The following NAALADL2 variants were observed in gnomAD, a reference collection of about 807,000 sequenced individuals.
NAALADL2 encodes the protein inactive N-acetylated-alpha-linked acidic dipeptidase-like protein 2.
NAALADL2 carries 76 observed loss-of-function variants against 87.2 expected under a neutral mutation model. The observed-to-expected ratio is 0.87, with a 90% CI of 0.72 to 1.05. NAALADL2 has a LOEUF of 1.05. Among genes scored for constraint, NAALADL2 ranks in the 50% least tolerant of loss-of-function variants. The probability of loss-of-function intolerance (pLI) is 0.00; values close to 1 mark genes in which losing one functional copy is unlikely to be tolerated. For synonymous variants in NAALADL2, 354 were observed against 331.0 expected (o/e 1.07, Z -0.75); for missense variants, 1,089 against 945.8 (o/e 1.15, Z -1.99).
chr3:174,966,976 A>G (rs1270688832), intron 1 of NAALADL2, among the ~76,000 whole-genome samples: 2 of 152,174 alleles, frequency 1.3e-5, no homozygotes, highest in South Asian at 2.1e-4. Context: ...AAAGTATAGG[A>G]AAAAGCTTCT....
chr3:175,555,082 A>G (rs75873984), intron 9 of NAALADL2, among the ~76,000 whole-genome samples: 5,672 of 152,224 alleles, frequency 0.037, 254 homozygotes, highest in African/African-American at 0.1. Context: ...TCTACTTTCT[A>G]TGAGCCAAGA....
chr3:175,364,098 T>C (rs866520323), intron 5 of NAALADL2, among the ~76,000 whole-genome samples: 3 of 147,846 alleles, frequency 2.0e-5, no homozygotes, highest in Non-Finnish European at 3.0e-5. Context: ...GACCAACCCA[T>C]GTAATTAGAT....
intron 1 of NAALADL2, among the ~76,000 whole-genome samples, chr3:174,472,844 C>T (rs370351181): frequency 4.6e-5 from 7 of 152,144 alleles, no homozygotes; most frequent in Admixed American, 4.6e-4. Flanking sequence ...CCACATGTTG[C>T]ACTTTGTAGA....
chr3:174,520,997 T>TA (rs1195517403), intron 1 of NAALADL2, among the ~76,000 whole-genome samples: 1 of 151,976 alleles, frequency 6.6e-6, no homozygotes, highest in African/African-American at 2.4e-5. Context: ...TGGCTACTAT[T>TA]AAAAAATAAA....
rs554001752 is a variant in NAALADL2 at position 175,454,144 on chromosome 3, A to G, written c.1234+6772A>G. 2.6e-5 allele frequency among the ~76,000 whole-genome samples: 4 copies of G among 152,188 alleles called. No individual in the cohort carries two copies. The South Asian group carries it at 6.2e-4, about 24-fold the overall frequency. ...TTAAATGCAATCTGATAGTCTTTTA[A>G]TAGGAGCATTTGGTCCCTTTCATTT... is the stretch of plus-strand genomic sequence containing the variant. On this transcript the variant is annotated intron_variant, in intron 6 of 13. Transcript: ENST00000454872.
intron 5 of NAALADL2, among the ~76,000 whole-genome samples, chr3:175,391,117 T>A (rs1181940574): frequency 6.6e-6 from 1 of 152,188 alleles, no homozygotes; most frequent in Non-Finnish European, 1.5e-5. Context: ...TCCTCACCAA[T>A]GTAGACAAAC....
chr3:175,262,897 AC>A (rs1384047704), intron 4 of NAALADL2, among the ~76,000 whole-genome samples: 1 of 151,906 alleles, frequency 6.6e-6, no homozygotes, highest in Non-Finnish European at 1.5e-5. Context: ...CATTTTATGA[AC>A]AAAAATGAAA....
chr3:174,476,530 A>G (rs1717227549), intron 1 of NAALADL2, among the ~76,000 whole-genome samples: 2 of 151,990 alleles, frequency 1.3e-5, no homozygotes, highest in Admixed American at 6.6e-5. Flanking sequence ...TGCTTATTCA[A>G]ATGGCTTATT....
rs536665947 is a variant in NAALADL2, at chr3:175,052,886, A to G, written c.44-43904A>G. ...AGGAACTCTTGCTGTATTTCTTGTCATTTCTACCATCTGACCATTTTGTTC... is the reference window on the plus strand; with the variant it reads ...AGGAACTCTTGCTGTATTTCTTGTCGTTTCTACCATCTGACCATTTTGTTC... On this transcript the variant is annotated intron_variant, in intron 1 of 13. Coordinates refer to ENST00000454872, the MANE Select transcript of NAALADL2 (RefSeq NM_207015.3). 1.4e-4 allele frequency among the ~76,000 whole-genome samples: 22 copies of G among 152,240 alleles called. No homozygotes were observed. In the South Asian group the frequency reaches 3.7e-3, roughly 26 times the overall value.
chr3:174,743,621 C>T (rs1271668002), intron 3 of NAALADL2, among the ~76,000 whole-genome samples: 3 of 151,774 alleles, frequency 2.0e-5, no homozygotes, highest in Non-Finnish European at 4.4e-5. Context: ...AGAGAAACAG[C>T]ATATAATGTC....
At chr3:175,533,615 G>A (rs754071968) in intron 9 of NAALADL2, among the ~76,000 whole-genome samples, 21 of 152,212 alleles carry the variant, frequency 1.4e-4, no homozygotes, top group Admixed American at 2.6e-4. Flanking sequence ...CCTCCCACAC[G>A]TCCCCATTCC....
At position 175,645,496 on chromosome 3, in the gene NAALADL2, T is replaced by A. The variant is rs374902092; in HGVS notation, c.1896+18110T>A. Among the ~76,000 whole-genome samples the A allele has an allele frequency of 7.9e-5, 12 of 152,196 alleles. No homozygotes were observed. The East Asian group carries it at 1.7e-3, about 22-fold the overall frequency. The stretch of plus-strand genomic sequence containing the variant: ...CAAGGCTCCGGGGAGTCCTACCTAG[T>A]CTGGGACGTCTGGAAAATTTTTCCT... On this transcript the variant is annotated intron_variant, in intron 11 of 13. Transcript: ENST00000454872.
intron 3 of NAALADL2, among the ~76,000 whole-genome samples, chr3:174,833,343 C>G (rs1386136840): frequency 6.6e-6 from 1 of 152,002 alleles, no homozygotes; most frequent in Non-Finnish European, 1.5e-5. Flanking sequence ...CACATACTAT[C>G]AATACTGACT....
chr3:174,769,355 T>A (rs1578854259), intron 3 of NAALADL2, among the ~76,000 whole-genome samples: 1 of 152,082 alleles, frequency 6.6e-6, no homozygotes, highest in East Asian at 1.9e-4. Context: ...ATCTTAGTCA[T>A]GTTTTAGCAT....
intron 4 of NAALADL2, among the ~76,000 whole-genome samples, chr3:175,262,573 T>TGA (rs1194221709): frequency 2.9e-4 from 28 of 95,436 alleles, no homozygotes; most frequent in Middle Eastern, 5.5e-3. Flanking sequence ...TCATGTTGTG[T>TGA]GAGTGTGTGT....
chr3:175,260,945 C>T (rs1244710052), intron 4 of NAALADL2, among the ~76,000 whole-genome samples: 5 of 151,630 alleles, frequency 3.3e-5, no homozygotes, highest in Non-Finnish European at 2.9e-5. Flanking sequence ...TGAGAAAATC[C>T]CAACATTGCA....
intron 3 of NAALADL2, among the ~76,000 whole-genome samples, chr3:174,738,432 A>C (rs1486394045): frequency 6.6e-6 from 1 of 152,144 alleles, no homozygotes; most frequent in Non-Finnish European, 1.5e-5. Flanking sequence ...GTAAGGAGTT[A>C]GATTAAATAA....
At chr3:175,324,044 G>GAAAAAAAAAA in intron 4 of NAALADL2, 131 bp from the exon 5 acceptor site, 1 of 444,022 alleles carries the variant, frequency 2.3e-6, no homozygotes, top group Non-Finnish European at 3.7e-6. Context: ...AAAAAAAAAA[G>GAAAAAAAAAA]AAAAAGAAAA....
intron 1 of NAALADL2, among the ~76,000 whole-genome samples, chr3:174,542,732 A>G (rs1560043084): frequency 1.3e-5 from 2 of 152,148 alleles, no homozygotes; most frequent in South Asian, 2.1e-4. Context: ...GTAAACTGTC[A>G]TGGCACTGAT....
Sources: gnomAD v4.1 joint callset for allele counts (sites outside exome capture counted in the v4.1 genomes callset) on GRCh38, gnomAD v4.1.1 for gene constraint, MANE v1.5 for transcripts, NCBI Gene and HGNC (gene_info 2026-07-23, HGNC 2026-07-21) for gene names.